The following DPYD variants were observed in gnomAD, a reference collection of about 807,000 sequenced individuals.
DPYD encodes the protein dihydropyrimidine dehydrogenase.
A neutral mutation model predicts 116.2 loss-of-function variants in DPYD; 109 were observed. That is an observed-to-expected ratio of 0.94 (90% confidence interval 0.80 to 1.10). The LOEUF (loss-of-function observed/expected upper bound fraction) is 1.10, where lower values mean the gene tolerates loss of function less well. Among genes scored for constraint, DPYD ranks in the 50% least tolerant of loss-of-function variants. The pLI, the probability that DPYD is intolerant of heterozygous loss-of-function variation, is 0.00. For missense variants in DPYD, 1,302 were observed against 1,254.5 expected, an observed-to-expected ratio of 1.04 and a Z score of -0.57; for synonymous variants, 440 against 432.0, an observed-to-expected ratio of 1.02 and a Z score of -0.23.
chr1:97,395,912 C>T (rs1672982295), intron 14 of DPYD, among the ~76,000 whole-genome samples: 1 of 152,036 alleles, frequency 6.6e-6, no homozygotes, highest in Non-Finnish European at 1.5e-5. Flanking sequence ...CTAGATTAGC[C>T]AGTCCCTAGC....
At chr1:97,363,252 A>G (rs569072001) in intron 16 of DPYD, among the ~76,000 whole-genome samples, 1 of 152,206 alleles carries the variant, frequency 6.6e-6, no homozygotes, top group African/African-American at 2.4e-5. Context: ...CCACAATAAC[A>G]TACCATCTCA....
rs1410987907 is a variant in DPYD, at chr1:97,474,130, C to CA, written c.1741-23908dup. ...AGCAATTTTATTTCTGGGTGTATAT[C>CA]AAAAGAGAATGAAATCATTTACTGA... On this transcript the variant is annotated intron_variant, in intron 13 of 22. Coordinates refer to ENST00000370192, the MANE Select transcript of DPYD (RefSeq NM_000110.4). Among the ~76,000 whole-genome samples, 3 of 151,326 alleles carry CA rather than the reference C, an allele frequency of 2.0e-5. No homozygotes were observed. The East Asian group carries it at 5.8e-4, about 29-fold the overall frequency.
rs756684474 is a variant in DPYD, at chr1:97,883,277, T to C, written c.137A>G (p.Asp46Gly). The C allele has an allele frequency of 1.2e-6, 2 of 1,608,628 alleles. No homozygotes were observed. Among genetic ancestry groups the C allele is most frequent in the Non-Finnish European group, 1.7e-6 (2 of 1,175,450 alleles). Residue 46 changes from aspartate to glycine, a missense_variant, in exon 2 of 23, where the codon GAT becomes GGT. Transcript: ENST00000370192. The stretch of plus-strand genomic sequence containing the variant: ...AGTGGTACTTACAAAGCAGTTCTTA[T>C]CAGGATTTCTTTTCCAATGTTTCTT... ...LDKKHWKRNP[D>G]KNCFNCEKLE...
At position 97,515,796 on chromosome 1, in the gene DPYD, G is replaced by GTGC; in HGVS notation, c.1667_1669dup (p.Ser556dup). 1.2e-6 allele frequency: 2 copies of GTGC among 1,612,984 alleles called. No individual in the cohort carries two copies. The highest frequency in any genetic ancestry group is 1.7e-6 in the Non-Finnish European group (2 of 1,179,292). The stretch of plus-strand genomic sequence containing the variant: ...TTCAAAAGCTCTTCGAATCATTGAT[G>GTGC]TGCTGGTGGCTGGAGTTGCGCTAGC... On this transcript the variant is annotated inframe_insertion, in exon 13 of 23. Coordinates refer to ENST00000370192, the MANE Select transcript of DPYD (RefSeq NM_000110.4).
rs1667446148 is a variant in DPYD, at chr1:97,310,518, A to C, written c.2059-4221T>G. On this transcript the variant is annotated intron_variant, in intron 16 of 22. Transcript: ENST00000370192. ...TATTATCCTTCTATGTCAATAAAAC[A>C]GGACAGGCAGTCAACTGTTCCAGGC... Among the ~76,000 whole-genome samples, 3 of 151,862 alleles carry C rather than the reference A, an allele frequency of 2.0e-5. 1 individual carries two copies. In the South Asian group the frequency reaches 6.2e-4, roughly 31 times the overall value.
At chr1:97,853,380 T>C (rs1402891245) in intron 2 of DPYD, among the ~76,000 whole-genome samples, 1 of 152,230 alleles carries the variant, frequency 6.6e-6, no homozygotes, top group Non-Finnish European at 1.5e-5. Context: ...TCATACTAAG[T>C]TTCTGAAGCA....
At chr1:97,614,098 T>C (rs1656115845) in intron 8 of DPYD, among the ~76,000 whole-genome samples, 1 of 152,124 alleles carries the variant, frequency 6.6e-6, no homozygotes, top group African/African-American at 2.4e-5. Flanking sequence ...ACTTAATTAA[T>C]ATTTTTAAAT....
At chr1:97,444,610 T>A (rs1353203184) in intron 14 of DPYD, among the ~76,000 whole-genome samples, 3 of 152,168 alleles carry the variant, frequency 2.0e-5, no homozygotes, top group African/African-American at 7.2e-5. Context: ...CATATACATA[T>A]ATATACATAT....
intron 18 of DPYD, among the ~76,000 whole-genome samples, chr1:97,297,144 G>A (rs1009373189): frequency 6.6e-6 from 1 of 152,094 alleles, no homozygotes; most frequent in African/African-American, 2.4e-5. Flanking sequence ...AAAATCTTCA[G>A]TACACTTTCC....
intron 20 of DPYD, among the ~76,000 whole-genome samples, chr1:97,146,611 G>C (rs76682173): frequency 6.6e-6 from 1 of 152,114 alleles, no homozygotes; most frequent in Non-Finnish European, 1.5e-5. Context: ...CTAAGAATAC[G>C]GAGAATACTC....
chr1:97,184,904 G>T (rs1171000334), intron 20 of DPYD, among the ~76,000 whole-genome samples: 3 of 151,980 alleles, frequency 2.0e-5, no homozygotes, highest in Non-Finnish European at 4.4e-5. Context: ...CGCTGGTTAG[G>T]ACTTCCAGTA....
intron 8 of DPYD, among the ~76,000 whole-genome samples, chr1:97,603,197 T>C (rs914280864): frequency 7.9e-5 from 12 of 152,176 alleles, no homozygotes; most frequent in African/African-American, 2.6e-4. Context: ...ATTGGAGTTC[T>C]TAGATAGTGT....
chr1:97,578,089 G>A (rs971305336), intron 10 of DPYD, among the ~76,000 whole-genome samples: 3 of 151,842 alleles, frequency 2.0e-5, no homozygotes, highest in South Asian at 2.1e-4. Flanking sequence ...CAAGTGTTCC[G>A]CCCACCTCAG....
chr1:97,884,168 T>G (rs1174587844), intron 1 of DPYD, among the ~76,000 whole-genome samples: 1 of 151,976 alleles, frequency 6.6e-6, no homozygotes, highest in East Asian at 1.9e-4. Flanking sequence ...AATCGAGTAA[T>G]TGTTATTGTA....
At chr1:97,553,242 C>T (rs530087770) in intron 11 of DPYD, among the ~76,000 whole-genome samples, 1 of 151,938 alleles carries the variant, frequency 6.6e-6, no homozygotes, top group South Asian at 2.1e-4. Flanking sequence ...GAGCTAAATA[C>T]CTTTCCTAAT....
At chr1:97,295,197 G>A (rs1666445852) in intron 18 of DPYD, among the ~76,000 whole-genome samples, 1 of 151,982 alleles carries the variant, frequency 6.6e-6, no homozygotes, top group African/African-American at 2.4e-5. Context: ...CACCTCCCAG[G>A]GTTATTTAAA....
chr1:97,771,820 A>T (rs1046272171), intron 3 of DPYD, among the ~76,000 whole-genome samples: 1 of 152,170 alleles, frequency 6.6e-6, no homozygotes, highest in Admixed American at 6.5e-5. Context: ...CTGTTTCAAA[A>T]TGAATAACTT....
intron 21 of DPYD, among the ~76,000 whole-genome samples, chr1:97,096,385 T>G (rs1264216258): frequency 6.6e-6 from 1 of 152,138 alleles, no homozygotes; most frequent in African/African-American, 2.4e-5. Context: ...TATCTTCCTT[T>G]AGAAATTTTT....
chr1:97,644,621 T>G (rs942066599), intron 8 of DPYD, among the ~76,000 whole-genome samples: 5 of 148,562 alleles, frequency 3.4e-5, no homozygotes, highest in Non-Finnish European at 6.0e-5. Context: ...TTGTTTTTGT[T>G]TTTTTTTTTT....
Sources: gnomAD v4.1 joint callset for allele counts (sites outside exome capture counted in the v4.1 genomes callset) on GRCh38, gnomAD v4.1.1 for gene constraint, MANE v1.5 for transcripts, NCBI Gene and HGNC (gene_info 2026-07-23, HGNC 2026-07-21) for gene names.